RARB: variants seen among roughly 807,000 people sequenced by gnomAD.
RARB encodes retinoic acid receptor beta, also known as HBV-activated protein.
A neutral mutation model predicts 51.9 loss-of-function variants in RARB; 17 were observed. The observed-to-expected ratio is 0.33, with a 90% confidence interval of 0.22 to 0.49. The LOEUF (loss-of-function observed/expected upper bound fraction) is 0.49, where lower values mean the gene tolerates loss of function less well. Among genes scored for constraint, RARB ranks in the 20% least tolerant of loss-of-function variants. The pLI is 0.99. For missense variants in RARB, 369 were observed against 550.8 expected (o/e 0.67, Z 3.30); for synonymous variants, 215 against 195.4 (o/e 1.10, Z -0.84).
chr3:25,242,173 T>G (rs1382357691), intron 5 of RARB, among the ~76,000 whole-genome samples: 1 of 152,142 alleles, frequency 6.6e-6, no homozygotes, highest in African/African-American at 2.4e-5. Flanking sequence ...TCTTGTAAAT[T>G]TGTTTAAGTT....
intron 5 of RARB, among the ~76,000 whole-genome samples, chr3:25,224,128 C>T (rs1168009483): frequency 6.6e-6 from 1 of 152,118 alleles, no homozygotes; most frequent in Non-Finnish European, 1.5e-5. Context: ...TTGAAAATGG[C>T]CTCAATTCAT....
intron 5 of RARB, among the ~76,000 whole-genome samples, chr3:25,413,671 G>GT (rs1373775405): frequency 2.0e-5 from 3 of 151,274 alleles, no homozygotes; most frequent in Admixed American, 6.6e-5. Context: ...TTTGTTTTTT[G>GT]TTTTTTTAAT....
At chr3:25,033,416 G>A (rs1254371575) in intron 2 of RARB, among the ~76,000 whole-genome samples, 1 of 152,164 alleles carries the variant, frequency 6.6e-6, no homozygotes, top group Non-Finnish European at 1.5e-5. Context: ...TGGGAGAGAT[G>A]GTGAATCAGA....
At chr3:25,150,150 G>A (rs1006676056) in intron 4 of RARB, among the ~76,000 whole-genome samples, 2 of 151,442 alleles carry the variant, frequency 1.3e-5, no homozygotes, top group African/African-American at 2.4e-5. Context: ...GCAGTGAGCC[G>A]AGATCGCATC....
At chr3:25,319,210 C>A (rs1284517493) in intron 5 of RARB, among the ~76,000 whole-genome samples, 1 of 152,196 alleles carries the variant, frequency 6.6e-6, no homozygotes, top group Non-Finnish European at 1.5e-5. Context: ...AAGTGACATG[C>A]ATGTTTTCTC....
chr3:25,152,529 A>G (rs1353116036), intron 4 of RARB, among the ~76,000 whole-genome samples: 1 of 152,180 alleles, frequency 6.6e-6, no homozygotes, highest in Non-Finnish European at 1.5e-5. Context: ...ATAATTAAAC[A>G]CTGCTCCCAG....
chr3:25,038,134 A>G (rs766494830), intron 2 of RARB, among the ~76,000 whole-genome samples: 103 of 152,294 alleles, frequency 6.8e-4, no homozygotes, highest in Non-Finnish European at 1.3e-3. Context: ...ATCCTTTAGC[A>G]TGGATGGTCT....
At chr3:25,338,389 G>T (rs980148208) in intron 5 of RARB, among the ~76,000 whole-genome samples, 1 of 152,096 alleles carries the variant, frequency 6.6e-6, no homozygotes, top group African/African-American at 2.4e-5. Flanking sequence ...ATTGAAGGGT[G>T]GGCTGTTGTC....
chr3:25,515,647 C>G (rs1276593694), intron 3 of RARB, among the ~76,000 whole-genome samples: 1 of 152,100 alleles, frequency 6.6e-6, no homozygotes, highest in Non-Finnish European at 1.5e-5. Context: ...AGTGAAAGAA[C>G]TTAGAACAAG....
chr3:24,909,405 T>G (rs1205126090), intron 2 of RARB, among the ~76,000 whole-genome samples: 1 of 152,202 alleles, frequency 6.6e-6, no homozygotes, highest in African/African-American at 2.4e-5. Flanking sequence ...TCCAGCACAT[T>G]AATTTTTGAC....
At chr3:25,115,275 T>C (rs1473033769) in intron 3 of RARB, among the ~76,000 whole-genome samples, 2 of 152,162 alleles carry the variant, frequency 1.3e-5, no homozygotes, top group Non-Finnish European at 2.9e-5. Context: ...AACATAAATA[T>C]TTAAAAAGCA....
intron 3 of RARB, among the ~76,000 whole-genome samples, chr3:25,126,753 T>C (rs1699866301): frequency 1.3e-5 from 2 of 152,224 alleles, no homozygotes; most frequent in South Asian, 4.1e-4. Context: ...TTTGTGTTTA[T>C]AGTCTGGCTA....
intron 4 of RARB, among the ~76,000 whole-genome samples, chr3:25,169,664 A>G (rs1049153590): frequency 2.0e-5 from 3 of 152,140 alleles, no homozygotes; most frequent in African/African-American, 7.2e-5. Flanking sequence ...TAAGAGAGTT[A>G]TATCATATTT....
chr3:24,880,044 C>T (rs1481405211), intron 2 of RARB, among the ~76,000 whole-genome samples: 3 of 152,060 alleles, frequency 2.0e-5, no homozygotes, highest in Non-Finnish European at 2.9e-5. Context: ...CCCCTTAGCT[C>T]TACGTTCCTG....
chr3:25,063,848 A>G (rs902975747), intron 3 of RARB, among the ~76,000 whole-genome samples: 41 of 152,172 alleles, frequency 2.7e-4, no homozygotes, highest in African/African-American at 8.9e-4. Flanking sequence ...CCATATCACT[A>G]AGAGTCTCAG....
At chr3:24,837,769 C>T (rs1330042064) in intron 1 of RARB, among the ~76,000 whole-genome samples, 3 of 152,094 alleles carry the variant, frequency 2.0e-5, no homozygotes, top group Non-Finnish European at 4.4e-5. Context: ...CAAAGTCACA[C>T]CAAAAAGGAA....
chr3:25,373,678 G>A (rs1018145999), intron 5 of RARB, among the ~76,000 whole-genome samples: 7 of 152,026 alleles, frequency 4.6e-5, no homozygotes, highest in African/African-American at 1.7e-4. Context: ...TTCTACTCTG[G>A]TAATTAAAAG....
chr3:25,526,197 G>A (rs1322146604), intron 3 of RARB, among the ~76,000 whole-genome samples: 6 of 152,134 alleles, frequency 3.9e-5, no homozygotes, highest in African/African-American at 1.2e-4. Context: ...TCCTGGGCTG[G>A]AATAAGTCTT....
chr3:25,062,943 T>C (rs2125304594), intron 3 of RARB, among the ~76,000 whole-genome samples: 1 of 152,140 alleles, frequency 6.6e-6, no homozygotes, highest in African/African-American at 2.4e-5. Context: ...TCAAAGGTTT[T>C]TTTAAATGCA....
Sources: gnomAD v4.1 joint callset for allele counts (sites outside exome capture counted in the v4.1 genomes callset) on GRCh38, gnomAD v4.1.1 for gene constraint, MANE v1.5 for transcripts, NCBI Gene and HGNC (gene_info 2026-07-23, HGNC 2026-07-21) for gene names.